Variants in SAMD4B observed in about 807,000 individuals in gnomAD.
SAMD4B encodes the protein protein Smaug homolog 2.
Under a neutral mutation model 74.5 loss-of-function variants are expected in SAMD4B, and 5 were observed. The ratio of observed to expected loss-of-function variants is 0.07; its 90% CI spans 0.04 to 0.14. SAMD4B has a LOEUF of 0.14. Ranked by LOEUF, SAMD4B falls within the 10% of genes least tolerant of loss-of-function variation. The pLI is 1.00. For synonymous variants in SAMD4B, 373 were observed against 374.9 expected (o/e 1.00, Z 0.06); for missense variants, 608 against 921.8 (o/e 0.66, Z 4.41).
downstream of SAMD4B, chr19:39,385,989 A>T (rs552477695): frequency 2.4e-5 from 39 of 1,613,328 alleles, no homozygotes; most frequent in Non-Finnish European, 3.1e-5. Flanking sequence ...ATGCCCTGGG[A>T]CTCAGTCACT....
chr19:39,368,260 C>T (rs1258810260), intron 3 of SAMD4B, among the ~76,000 whole-genome samples: 1 of 152,130 alleles, frequency 6.6e-6, no homozygotes, highest in Non-Finnish European at 1.5e-5. Context: ...AGGGTAGACT[C>T]AGGTCCTCAC....
intron 4 of SAMD4B, among the ~76,000 whole-genome samples, chr19:39,370,425 G>T (rs2077220392): frequency 6.6e-6 from 1 of 152,290 alleles, no homozygotes; most frequent in East Asian, 1.9e-4. Context: ...AGCCTTTCTT[G>T]AGAAGTCAAA....
At chr19:39,372,727 T>G (rs1300793689) in intron 4 of SAMD4B, among the ~76,000 whole-genome samples, 3 of 152,130 alleles carry the variant, frequency 2.0e-5, no homozygotes, top group Non-Finnish European at 4.4e-5. Flanking sequence ...CAGGGTAATT[T>G]CCTGCCTCTC....
At chr19:39,386,264 C>A, downstream of SAMD4B, 3 of 1,614,186 alleles carry the variant, frequency 1.9e-6, no homozygotes, top group Non-Finnish European at 2.5e-6. The surrounding 1 kb of genome is among the most constrained non-coding windows in gnomAD (Gnocchi z 6.1). Context: ...GGGCCTCATC[C>A]TCGCTGCTCT....
intron 1 of SAMD4B, among the ~76,000 whole-genome samples, chr19:39,343,989 C>A (rs373370919): frequency 4.8e-5 from 4 of 82,602 alleles, no homozygotes; most frequent in African/African-American, 1.1e-4. Context: ...AGGACCCCCC[C>A]CCCCCACACA....
chr19:39,388,018 G>T (rs2078290851), downstream of SAMD4B, among the ~76,000 whole-genome samples: 1 of 152,156 alleles, frequency 6.6e-6, no homozygotes, highest in South Asian at 2.1e-4. Flanking sequence ...GCACACGCCT[G>T]TGATGCCAGC....
intron 2 of SAMD4B, among the ~76,000 whole-genome samples, chr19:39,356,025 A>G (rs1355493013): frequency 2.0e-5 from 3 of 152,186 alleles, no homozygotes; most frequent in Admixed American, 2.0e-4. Flanking sequence ...AGAGAGGGTG[A>G]GATTCCCTCA....
chr19:39,380,263 G>A (rs553198752), intron 10 of SAMD4B, among the ~76,000 whole-genome samples, 179 bp downstream of exon 10: 1 of 152,320 alleles, frequency 6.6e-6, no homozygotes, highest in South Asian at 2.1e-4. Context: ...AACAACACAT[G>A]TCCCATGAGC....
rs893064395 is a variant in SAMD4B, at chr19:39,342,467, T to C, written c.-376T>C. The C allele has an allele frequency of 6.4e-5, 11 of 173,080 alleles. No homozygotes were observed. The highest frequency in any genetic ancestry group is 2.5e-3 in the Middle Eastern group (1 of 400). The allele number at this position is 173,080 out of a possible 1,614,324, so 10.7% of individuals were successfully genotyped here. A position where few individuals can be genotyped will look rare whatever the true frequency, so the allele number is the denominator to read the frequency against. On this transcript the variant is annotated 5_prime_UTR_variant, in exon 1 of 14. Coordinates refer to ENST00000610417, the MANE Select transcript of SAMD4B (RefSeq NM_001384574.2). Reference sequence around the variant, plus strand: ...ACGGCGGCGGCGGCGGCGGCGGCGGTGGTCGGTGCGGGAGGAGGGAGGGGA... The same window carrying C: ...ACGGCGGCGGCGGCGGCGGCGGCGGCGGTCGGTGCGGGAGGAGGGAGGGGA...
At chr19:39,382,809 T>C (rs1352513295) in intron 12 of SAMD4B, among the ~76,000 whole-genome samples, 1 of 152,172 alleles carries the variant, frequency 6.6e-6, no homozygotes, top group Non-Finnish European at 1.5e-5. Context: ...GGTTTTGATT[T>C]AGCTTTTGCA....
In SAMD4B at chr19:39,385,660, G is replaced by T; in HGVS notation, c.*2133G>T. On this transcript the variant is annotated 3_prime_UTR_variant, in exon 14 of 14. Transcript: ENST00000610417. ...GGAGTTTCACTTGTTTAATGGTCTG[G>T]GCTTATTTTGGAAAAAAAAAAAACA... is the stretch of plus-strand genomic sequence containing the variant. 1.8e-6 allele frequency: 1 copy of T among 543,724 alleles called. No homozygotes were observed. The highest frequency in any genetic ancestry group is 3.2e-6 in the Non-Finnish European group (1 of 309,996). The allele number at this position is 543,724 out of a possible 1,614,324, so 33.7% of individuals were successfully genotyped here. A position where few individuals can be genotyped will look rare whatever the true frequency, so the allele number is the denominator to read the frequency against.
At chr19:39,350,622 G>A (rs1245392839) in intron 1 of SAMD4B, 1 of 152,138 alleles carries the variant, frequency 6.6e-6, no homozygotes, top group African/African-American at 2.4e-5. Flanking sequence ...TGAGTAGCTG[G>A]GATTACAGGC....
At position 39,375,850 on chromosome 19, in the gene SAMD4B, A is replaced by G; in HGVS notation, c.868A>G (p.Ser290Gly). Residue 290 changes from serine to glycine, a missense_variant, in exon 5 of 14, where the codon AGC (serine) becomes GGC (glycine). Physicochemically the swap from Ser to Gly is moderately conservative, Grantham distance 56 (BLOSUM62 0). This residue lies in a region of SAMD4B where 31 missense variants were observed against 43.4 expected (regional missense o/e 0.71). Coordinates refer to ENST00000610417, the MANE Select transcript of SAMD4B (RefSeq NM_001384574.2). The surrounding 1 kb of genome is among the most constrained non-coding windows in gnomAD (Gnocchi z 4.1). ...GSEQTEEQGS[S>G]RNTFQEDGSG... Reference sequence around the variant, plus strand: ...TGAGCAGACAGAGGAGCAGGGCTCCAGCCGGAACACCTTCCAGGAGGATGG... The same window carrying G: ...TGAGCAGACAGAGGAGCAGGGCTCCGGCCGGAACACCTTCCAGGAGGATGG... 1 of 1,612,064 alleles carries G rather than the reference A, an allele frequency of 6.2e-7. No individual in the cohort carries two copies. The highest frequency in any genetic ancestry group is 8.5e-7 in the Non-Finnish European group (1 of 1,179,966).
chr19:39,355,181 A>AT (rs1568347115), intron 2 of SAMD4B, among the ~76,000 whole-genome samples: 2 of 152,106 alleles, frequency 1.3e-5, no homozygotes, highest in Non-Finnish European at 1.5e-5. Flanking sequence ...CCTTATTTAG[A>AT]TTTTATTTAA....
In SAMD4B at chr19:39,375,337, G is replaced by A. The variant is rs529268374; in HGVS notation, c.668-313G>A. 2.0e-5 allele frequency among the ~76,000 whole-genome samples: 3 copies of A among 152,332 alleles called. No individual in the cohort carries two copies. The South Asian group carries it at 6.2e-4, about 32-fold the overall frequency. On this transcript the variant is annotated intron_variant, in intron 4 of 13. Transcript: ENST00000610417. This position sits in a 1 kb window ranked among gnomAD's most constrained non-coding sequence, Gnocchi z 4.1. ...CTTTATGGCTGTTGTGAGGGGCGTG[G>A]ACTGTAGGAGGCAAGAGTGAAGGCA... is the stretch of plus-strand genomic sequence containing the variant.
At chr19:39,353,787 A>G (rs942548841) in intron 1 of SAMD4B, among the ~76,000 whole-genome samples, 1 of 152,216 alleles carries the variant, frequency 6.6e-6, no homozygotes, top group Admixed American at 6.5e-5. Context: ...TTTTTAGTAG[A>G]GATGGAGTTT....
chr19:39,360,549 G>A (rs755756048), intron 3 of SAMD4B, among the ~76,000 whole-genome samples: 4 of 152,212 alleles, frequency 2.6e-5, no homozygotes, highest in Non-Finnish European at 5.9e-5. Context: ...AGTGATCACA[G>A]AGGTAAATTC....
downstream of SAMD4B, chr19:39,389,939 T>C (rs1054762713): frequency 1.1e-5 from 12 of 1,068,498 alleles, no homozygotes; most frequent in African/African-American, 1.4e-4. The surrounding 1 kb of genome is among the most constrained non-coding windows in gnomAD (Gnocchi z 5.3). Flanking sequence ...CCATTAACAA[T>C]TGAGCAGCTA....
intron 2 of SAMD4B, among the ~76,000 whole-genome samples, chr19:39,354,829 T>C (rs1478336083): frequency 6.6e-6 from 1 of 152,158 alleles, no homozygotes; most frequent in Non-Finnish European, 1.5e-5. Context: ...AGGAGTCCTA[T>C]AGGGCTCGGT....
Sources: allele counts gnomAD v4.1 joint callset (sites outside exome capture counted in the v4.1 genomes callset), GRCh38; gene constraint gnomAD v4.1.1; regional missense constraint gnomAD v4.1.1; non-coding constraint Gnocchi (gnomAD v3.1); transcripts MANE v1.5; gene names NCBI Gene and HGNC (gene_info 2026-07-23, HGNC 2026-07-21).